CNTNAP2: variants seen among roughly 807,000 people sequenced by gnomAD.
The protein encoded by CNTNAP2 is contactin-associated protein-like 2.
A neutral mutation model predicts 155.2 loss-of-function variants in CNTNAP2; 98 were observed. The observed-to-expected ratio is 0.63, with a 90% CI of 0.54 to 0.75. The LOEUF is 0.75. Ranked by LOEUF, CNTNAP2 falls within the 30% of genes least tolerant of loss-of-function variation. The pLI, the probability that CNTNAP2 is intolerant of heterozygous loss-of-function variation, is 0.00. For synonymous variants in CNTNAP2, 651 were observed against 631.2 expected, an observed-to-expected ratio of 1.03 and a Z score of -0.47; for missense variants, 1,727 against 1,688.1, an observed-to-expected ratio of 1.02 and a Z score of -0.40.
chr7:147,364,920 T>C (rs967708035), intron 9 of CNTNAP2, among the ~76,000 whole-genome samples: 12 of 152,146 alleles, frequency 7.9e-5, no homozygotes, highest in Non-Finnish European at 1.5e-4. Context: ...AATTTTGATA[T>C]ACTATGTCAC....
intron 13 of CNTNAP2, among the ~76,000 whole-genome samples, chr7:147,837,229 G>A (rs895370612): frequency 1.3e-5 from 2 of 152,308 alleles, no homozygotes; most frequent in East Asian, 3.9e-4. Context: ...ATGGCAGAAG[G>A]TGAAAGTCAC....
chr7:147,368,766 A>G (rs962706613), intron 9 of CNTNAP2, among the ~76,000 whole-genome samples: 13 of 152,272 alleles, frequency 8.5e-5, no homozygotes, highest in African/African-American at 3.1e-4. Context: ...TCTAAATACA[A>G]AAGAGTTCCT....
Position 147,265,068 on chromosome 7 carries a change from C to G in CNTNAP2, c.1349-35073C>G, listed in dbSNP as rs573548560. 2.0e-5 allele frequency among the ~76,000 whole-genome samples: 3 copies of G among 152,192 alleles called. No individual in the cohort carries two copies. The South Asian group carries it at 6.2e-4, about 32-fold the overall frequency. On this transcript the variant is annotated intron_variant, in intron 8 of 23. Transcript: ENST00000361727. ...GACCCAGGTCACCCTTAGCGTTGCTCAGGTTGTACTTCAGAAGGACTCCCA... is the reference window on the plus strand; with the variant it reads ...GACCCAGGTCACCCTTAGCGTTGCTGAGGTTGTACTTCAGAAGGACTCCCA...
chr7:147,414,859 T>C (rs558500389), intron 10 of CNTNAP2, among the ~76,000 whole-genome samples: 1 of 135,814 alleles, frequency 7.4e-6, no homozygotes, highest in Non-Finnish European at 1.5e-5. Flanking sequence ...GAGAATGGCG[T>C]GAACCTTGGG....
chr7:146,599,470 C>G (rs558346279), intron 1 of CNTNAP2, among the ~76,000 whole-genome samples: 1 of 152,138 alleles, frequency 6.6e-6, no homozygotes, highest in African/African-American at 2.4e-5. Context: ...CATATTCTAC[C>G]TGTGCCTAGA....
intron 1 of CNTNAP2, among the ~76,000 whole-genome samples, chr7:146,622,971 AAAAAG>A (rs1263349639): frequency 3.3e-5 from 5 of 149,356 alleles, no homozygotes; most frequent in Admixed American, 3.3e-4. Flanking sequence ...AAAAAAAAGA[AAAAAG>A]AAAAAAGAAA....
intron 1 of CNTNAP2, among the ~76,000 whole-genome samples, chr7:146,605,090 A>G (rs966554186): frequency 7.2e-6 from 1 of 139,398 alleles, no homozygotes; most frequent in South Asian, 2.1e-4. Flanking sequence ...AAAACAACAA[A>G]AAAAAAAAGA....
intron 3 of CNTNAP2, among the ~76,000 whole-genome samples, chr7:146,844,671 A>G (rs1021786764): frequency 5.3e-5 from 8 of 152,146 alleles, no homozygotes; most frequent in African/African-American, 1.9e-4. Context: ...CAAAATAGGA[A>G]ACTGGAGTAA....
chr7:147,066,296 A>T (rs1304939690), intron 4 of CNTNAP2, among the ~76,000 whole-genome samples: 1 of 152,200 alleles, frequency 6.6e-6, no homozygotes, highest in Non-Finnish European at 1.5e-5. Context: ...ATTACAGCCA[A>T]GACATCATAC....
intron 21 of CNTNAP2, among the ~76,000 whole-genome samples, chr7:148,332,715 A>G (rs1054515090): frequency 5.9e-5 from 9 of 152,314 alleles, no homozygotes; most frequent in Non-Finnish European, 1.3e-4. Context: ...GAGAAGCAAC[A>G]TCATTCATGT....
chr7:148,071,634 A>G (rs1193292682), intron 15 of CNTNAP2, among the ~76,000 whole-genome samples: 1 of 152,228 alleles, frequency 6.6e-6, no homozygotes, highest in Non-Finnish European at 1.5e-5. Flanking sequence ...CGCAGGCAGT[A>G]TTGCCATTCA....
At chr7:146,225,701 C>A (rs546401318) in intron 1 of CNTNAP2, among the ~76,000 whole-genome samples, 1 of 152,302 alleles carries the variant, frequency 6.6e-6, no homozygotes, top group Admixed American at 6.5e-5. Flanking sequence ...ATTGTACTAA[C>A]CTATCCTCTA....
chr7:147,341,007 A>T (rs1795751625), intron 9 of CNTNAP2, among the ~76,000 whole-genome samples: 1 of 151,898 alleles, frequency 6.6e-6, no homozygotes, highest in South Asian at 2.1e-4. Flanking sequence ...ATTTCTATTA[A>T]CACATTTATT....
intron 9 of CNTNAP2, among the ~76,000 whole-genome samples, chr7:147,348,919 G>A (rs190109541): frequency 4.6e-5 from 7 of 152,058 alleles, no homozygotes; most frequent in Admixed American, 3.3e-4. Flanking sequence ...TCACTCATAA[G>A]TGCAAGCTTA....
At chr7:146,282,868 G>T (rs6464746) in intron 1 of CNTNAP2, among the ~76,000 whole-genome samples, 4,241 of 152,272 alleles carry the variant, frequency 0.028, 211 homozygotes, top group African/African-American at 0.097. Flanking sequence ...AGTTAGGACT[G>T]CTGTCTTCTA....
chr7:146,631,811 T>G lies in CNTNAP2; in HGVS notation c.98-142460T>G, dbSNP rs570214661. Among the ~76,000 whole-genome samples the G allele has an allele frequency of 1.9e-3, 284 of 152,278 alleles. 1 individual carries two copies. Among genetic ancestry groups the G allele is most frequent in the Non-Finnish European group, 2.2e-3 (147 of 68,018 alleles). On this transcript the variant is annotated intron_variant, in intron 1 of 23. Transcript: ENST00000361727. ...ATCTCTCACTTACATACAAACTCAC[T>G]TTACCAATCTCCAAGTTTTAATGTC...
At chr7:148,411,868 TG>T (rs1421673621) in intron 23 of CNTNAP2, among the ~76,000 whole-genome samples, 1 of 152,064 alleles carries the variant, frequency 6.6e-6, no homozygotes, top group African/African-American at 2.4e-5. Flanking sequence ...TGTGTGTGTG[TG>T]TGTCTATTTT....
chr7:146,624,297 CTTGTG>C (rs1799381624), intron 1 of CNTNAP2, among the ~76,000 whole-genome samples: 1 of 151,882 alleles, frequency 6.6e-6, no homozygotes, highest in Admixed American at 6.6e-5. Context: ...TGGATAAAGG[CTTGTG>C]TGTACCTAAA....
intron 1 of CNTNAP2, among the ~76,000 whole-genome samples, chr7:146,506,439 G>A (rs117759691): frequency 1.4e-4 from 21 of 152,274 alleles, no homozygotes; most frequent in Admixed American, 6.5e-4. Flanking sequence ...GTTTACTCCC[G>A]ACGTGGCCCA....
Sources: allele counts gnomAD v4.1 joint callset (sites outside exome capture counted in the v4.1 genomes callset), GRCh38; gene constraint gnomAD v4.1.1; transcripts MANE v1.5; gene names NCBI Gene and HGNC (gene_info 2026-07-23, HGNC 2026-07-21).